GRAMD4: variants seen among roughly 807,000 people sequenced by gnomAD.
The protein encoded by GRAMD4 is GRAM domain containing 4, also known as GRAM domain-containing protein 4.
Under a neutral mutation model 83.9 loss-of-function variants are expected in GRAMD4, and 25 were observed. The ratio of observed to expected loss-of-function variants is 0.30; its 90% CI spans 0.22 to 0.42. The LOEUF is 0.42. GRAMD4 is among the 10% of genes least tolerant of loss of function. GRAMD4 has a pLI of 1.00. For missense variants in GRAMD4, 593 were observed against 788.7 expected (o/e 0.75, Z 2.97); for synonymous variants, 336 against 320.9 (o/e 1.05, Z -0.50).
intron 3 of GRAMD4, among the ~76,000 whole-genome samples, chr22:46,644,750 T>C (rs2082047868): frequency 6.9e-6 from 1 of 144,528 alleles, no homozygotes; most frequent in African/African-American, 2.6e-5. Flanking sequence ...GTTTTGTTTT[T>C]GAGATAGGGT....
At chr22:46,614,488 TCA>T (rs1273335922) in intron 1 of GRAMD4, among the ~76,000 whole-genome samples, 1 of 152,244 alleles carries the variant, frequency 6.6e-6, no homozygotes, top group Non-Finnish European at 1.5e-5. Flanking sequence ...TGTTGTAGAC[TCA>T]CAGGTGGCGT....
At chr22:46,606,833 G>T (rs1272104870) in intron 1 of GRAMD4, among the ~76,000 whole-genome samples, 2 of 152,280 alleles carry the variant, frequency 1.3e-5, no homozygotes, top group Non-Finnish European at 2.9e-5. Context: ...GTGGACATGG[G>T]TGTGCCAGTA....
chr22:46,630,762 T>C (rs1310134859), intron 2 of GRAMD4, among the ~76,000 whole-genome samples: 1 of 152,220 alleles, frequency 6.6e-6, no homozygotes, highest in Non-Finnish European at 1.5e-5. Flanking sequence ...CCATCACTCC[T>C]GGCAGCCTGG....
At chr22:46,638,078 C>T in intron 3 of GRAMD4, 118 bp downstream of exon 3, 2 of 1,089,582 alleles carry the variant, frequency 1.8e-6, no homozygotes, top group South Asian at 2.9e-5. Context: ...GGCTCCATCG[C>T]TGGACACGAG....
chr22:46,654,473 G>A lies in GRAMD4; in HGVS notation c.284-3714G>A, dbSNP rs1233645493. Among the ~76,000 whole-genome samples, 8 of 152,178 alleles carry A rather than the reference G, an allele frequency of 5.3e-5. No individual in the cohort carries two copies. The East Asian group carries it at 1.4e-3, about 26-fold the overall frequency. ...TGATGATTACCTGAGTATTTCTGAC[G>A]AAGGTGTGCCAGAGCCGGCCCTCAA... On this transcript the variant is annotated intron_variant, in intron 3 of 18. Transcript: ENST00000406902.
chr22:46,577,003 G>A (rs1330271583), upstream of GRAMD4: 3 of 145,694 alleles, frequency 2.1e-5, no homozygotes, highest in Non-Finnish European at 4.6e-5. Flanking sequence ...GGCGGGGGCG[G>A]GGCCGGGGTG....
chr22:46,625,926 G>C (rs1014478499), intron 1 of GRAMD4, among the ~76,000 whole-genome samples: 3 of 152,256 alleles, frequency 2.0e-5, no homozygotes, highest in Non-Finnish European at 4.4e-5. Context: ...TCGCACCTCA[G>C]TGTGACCAGG....
At chr22:46,661,797 C>T (rs904280383) in intron 5 of GRAMD4, among the ~76,000 whole-genome samples, 4 of 152,250 alleles carry the variant, frequency 2.6e-5, no homozygotes, top group African/African-American at 7.2e-5. Context: ...ACTGCCGCTG[C>T]CCTGGTGCCT....
At chr22:46,600,342 G>A (rs1335001245) in intron 1 of GRAMD4, among the ~76,000 whole-genome samples, 1 of 152,168 alleles carries the variant, frequency 6.6e-6, no homozygotes, top group African/African-American at 2.4e-5. Context: ...TGCCAGCTTG[G>A]GGCCAGGGGC....
At chr22:46,595,642 C>T (rs960097107) in intron 1 of GRAMD4, among the ~76,000 whole-genome samples, 2 of 152,232 alleles carry the variant, frequency 1.3e-5, no homozygotes, top group African/African-American at 4.8e-5. Context: ...CTCTGAGCGT[C>T]ACCCCTCCCA....
At chr22:46,682,488 C>T (rs79919890), downstream of GRAMD4, 40,869 of 969,184 alleles carry the variant, frequency 0.042, 894 homozygotes, top group South Asian at 0.079. Context: ...CTCTCGAAGA[C>T]CTGCCTGTAG....
intron 3 of GRAMD4, among the ~76,000 whole-genome samples, chr22:46,648,253 G>C (rs2082099705): frequency 6.6e-6 from 1 of 151,944 alleles, no homozygotes; most frequent in Admixed American, 6.5e-5. Flanking sequence ...CAAACGAATA[G>C]GTAGATTAGG....
chr22:46,677,798 C>A lies in GRAMD4; in HGVS notation c.*547C>A. 1.0e-6 allele frequency: 1 copy of A among 985,702 alleles called. No homozygotes were observed. Among genetic ancestry groups the A allele is most frequent in the Non-Finnish European group, 1.2e-6 (1 of 830,092 alleles). The allele number at this position is 985,702 out of a possible 1,614,324, so 61.1% of individuals were successfully genotyped here. A position where few individuals can be genotyped will look rare whatever the true frequency, so the allele number is the denominator to read the frequency against. On this transcript the variant is annotated 3_prime_UTR_variant, in exon 19 of 19. Transcript: ENST00000406902. ...CTCCTTCCTCTTACATGAGACCCTC[C>A]TGTGGCATTTGCCCTTGGTGCCGGG...
chr22:46,609,938 G>C (rs539132132), intron 1 of GRAMD4, among the ~76,000 whole-genome samples: 1 of 152,202 alleles, frequency 6.6e-6, no homozygotes, highest in Non-Finnish European at 1.5e-5. Flanking sequence ...GTTCTGAGTC[G>C]GTTCGCCTTC....
rs1486111132 is a variant in GRAMD4, at chr22:46,620,720, C to T, written c.-50+155C>T. Among the ~76,000 whole-genome samples the T allele has an allele frequency of 2.0e-5, 3 of 152,112 alleles. No individual in the cohort carries two copies. Among genetic ancestry groups the T allele is most frequent in the African/African-American group, 7.2e-5 (3 of 41,414 alleles). On this transcript the variant is annotated intron_variant, in intron 1 of 18. Transcript: ENST00000406902. This position sits in a 1 kb window ranked among gnomAD's most constrained non-coding sequence, Gnocchi z 4.7. ...TGATCTTGAAAGGCAGGCTCCCTCC[C>T]AAGGCCGGGTGCAGGCCAGACCCCA... is the stretch of plus-strand genomic sequence containing the variant.
chr22:46,675,043 G>A (rs1357186899), intron 16 of GRAMD4, among the ~76,000 whole-genome samples: 2 of 152,384 alleles, frequency 1.3e-5, no homozygotes, highest in African/African-American at 4.8e-5. Flanking sequence ...GGAGGGGACC[G>A]TGTGGGGACC....
At chr22:46,682,529 G>A (rs868763558), downstream of GRAMD4, 11 of 726,308 alleles carry the variant, frequency 1.5e-5, no homozygotes, top group Non-Finnish European at 1.9e-5. Flanking sequence ...TCGGGACTGC[G>A]ACGAGGGCGC....
chr22:46,600,645 A>G (rs1008382307), intron 1 of GRAMD4, among the ~76,000 whole-genome samples: 1 of 152,192 alleles, frequency 6.6e-6, no homozygotes, highest in Non-Finnish European at 1.5e-5. Flanking sequence ...CTGTACACTC[A>G]GGTGCTAAGC....
intron 3 of GRAMD4, among the ~76,000 whole-genome samples, chr22:46,639,007 C>T (rs1199436451): frequency 6.6e-6 from 1 of 152,246 alleles, no homozygotes; most frequent in Non-Finnish European, 1.5e-5. Flanking sequence ...GGCCTGTCCA[C>T]ACAGCCTTGT....
Sources: allele counts gnomAD v4.1 joint callset (sites outside exome capture counted in the v4.1 genomes callset), GRCh38; gene constraint gnomAD v4.1.1; non-coding constraint Gnocchi (gnomAD v3.1); transcripts MANE v1.5; gene names NCBI Gene and HGNC (gene_info 2026-07-23, HGNC 2026-07-21).